ERBB4: variants seen among roughly 807,000 people sequenced by gnomAD.
ERBB4 encodes erb-b2 receptor tyrosine kinase 4.
A neutral mutation model predicts 158.0 loss-of-function variants in ERBB4; 42 were observed. That is an observed-to-expected ratio of 0.27 (90% confidence interval 0.21 to 0.34). The LOEUF (loss-of-function observed/expected upper bound fraction) is 0.34. Ranked by LOEUF, ERBB4 falls within the 10% of genes least tolerant of loss-of-function variation. The pLI is 1.00. For synonymous variants in ERBB4, 583 were observed against 558.7 expected (o/e 1.04, Z -0.61); for missense variants, 1,333 against 1,624.1 (o/e 0.82, Z 3.08).
chr2:211,408,944 C>T (rs2063199841), intron 25 of ERBB4, among the ~76,000 whole-genome samples: 4 of 152,162 alleles, frequency 2.6e-5, no homozygotes, highest in Admixed American at 2.0e-4. Flanking sequence ...TTGTAGCAAA[C>T]TCCGAGGATG....
At chr2:211,540,536 GTTTT>G (rs752624696) in intron 20 of ERBB4, among the ~76,000 whole-genome samples, 1 of 151,198 alleles carries the variant, frequency 6.6e-6, no homozygotes, top group Admixed American at 6.6e-5. Flanking sequence ...GTTTTTTGGT[GTTTT>G]TTTGTTTTTG....
intron 1 of ERBB4, among the ~76,000 whole-genome samples, chr2:212,471,038 C>T (rs1400114068): frequency 7.2e-5 from 11 of 151,972 alleles, no homozygotes; most frequent in Non-Finnish European, 1.6e-4. Context: ...TAACAACATT[C>T]ATGTGAATCT....
Position 212,538,741 on chromosome 2 carries a change from C to A in ERBB4, c.-211G>T, listed in dbSNP as rs1241139076. The A allele has an allele frequency of 2.5e-6, 1 of 398,820 alleles. No individual in the cohort carries two copies. Among genetic ancestry groups the A allele is most frequent in the Non-Finnish European group, 4.3e-6 (1 of 230,470 alleles). 24.7% of individuals were successfully genotyped at this position (398,820 alleles called of 1,614,324 possible). A position where few individuals can be genotyped will look rare whatever the true frequency, so the allele number is the denominator to read the frequency against. ...GGCCCGAGGAGGGGGCGAGTGTGAG[C>A]GCGTGTGTGCGCGTGTGGGAGTGTG... On this transcript the variant is annotated 5_prime_UTR_variant, in exon 1 of 28. Coordinates refer to ENST00000342788, the MANE Select transcript of ERBB4 (RefSeq NM_005235.3).
intron 2 of ERBB4, chr2:212,124,529 G>A (rs1406434190): frequency 3.6e-6 from 2 of 552,324 alleles, no homozygotes; most frequent in East Asian, 6.3e-5. Context: ...CTCAATCTTA[G>A]GGCAACAGCA....
At chr2:211,688,784 T>G (rs1353655482) in intron 12 of ERBB4, among the ~76,000 whole-genome samples, 1 of 152,284 alleles carries the variant, frequency 6.6e-6, no homozygotes. Flanking sequence ...TCTAATTAAC[T>G]TTGTAGTTAT....
At chr2:212,444,456 A>C (rs2092311689) in intron 1 of ERBB4, among the ~76,000 whole-genome samples, 1 of 152,196 alleles carries the variant, frequency 6.6e-6, no homozygotes, top group African/African-American at 2.4e-5. Context: ...AAAATTGGTG[A>C]CAAAGAAATC....
chr2:212,473,118 G>A lies in ERBB4; in HGVS notation c.82+65331C>T, dbSNP rs1343997245. Among the ~76,000 whole-genome samples the A allele has an allele frequency of 2.6e-5, 4 of 151,854 alleles. No homozygotes were observed. In the East Asian group the frequency reaches 7.7e-4, roughly 29 times the overall value. On this transcript the variant is annotated intron_variant, in intron 1 of 27. Transcript: ENST00000342788. Reference sequence around the variant, plus strand: ...ATGGAGACCTGTCAATTCTGATGATGTTCATTTTTGTTTTGATTTTATATA... The same window carrying A: ...ATGGAGACCTGTCAATTCTGATGATATTCATTTTTGTTTTGATTTTATATA...
intron 4 of ERBB4, among the ~76,000 whole-genome samples, chr2:211,773,598 T>TTATATATATATATATA (rs1171015959): frequency 1.3e-4 from 4 of 29,778 alleles, no homozygotes; most frequent in South Asian, 1.9e-3. Context: ...TTCTGTAACT[T>TTATATATATATATATA]TATATATATA....
In ERBB4 at chr2:211,524,372, C is replaced by T. The variant is rs576642692; in HGVS notation, c.2487+37531G>A. Reference sequence around the variant, plus strand: ...AGCTGCCTGCCAGTCCCACGCCATGCGCCCACACTCCTCAGCCCTTGGGTG... The same window carrying T: ...AGCTGCCTGCCAGTCCCACGCCATGTGCCCACACTCCTCAGCCCTTGGGTG... On this transcript the variant is annotated intron_variant, in intron 20 of 27. Coordinates refer to ENST00000342788, the MANE Select transcript of ERBB4 (RefSeq NM_005235.3). 3.7e-4 allele frequency among the ~76,000 whole-genome samples: 56 copies of T among 151,868 alleles called. 1 individual carries two copies. In the East Asian group the frequency reaches 9.7e-3, roughly 26 times the overall value.
intron 1 of ERBB4, among the ~76,000 whole-genome samples, chr2:212,409,388 T>A (rs2091436507): frequency 6.6e-6 from 1 of 152,180 alleles, no homozygotes; most frequent in Non-Finnish European, 1.5e-5. Flanking sequence ...TTCAATGTTT[T>A]AAAGTCCTTG....
At chr2:211,566,371 A>T (rs993144038) in intron 19 of ERBB4, among the ~76,000 whole-genome samples, 4 of 152,174 alleles carry the variant, frequency 2.6e-5, no homozygotes, top group African/African-American at 4.8e-5. Context: ...TAAATAGGAG[A>T]CACCCAACAA....
intron 4 of ERBB4, among the ~76,000 whole-genome samples, chr2:211,760,392 T>C (rs1352556034): frequency 1.3e-5 from 2 of 152,224 alleles, no homozygotes; most frequent in Non-Finnish European, 2.9e-5. Context: ...TTATCATACT[T>C]GCAAATGACA....
intron 20 of ERBB4, among the ~76,000 whole-genome samples, chr2:211,464,982 C>CTT (rs1176092000): frequency 9.4e-5 from 2 of 21,348 alleles, no homozygotes; most frequent in African/African-American, 7.4e-5. Context: ...TTTTTTTTTT[C>CTT]TTTTTTTTTT....
intron 2 of ERBB4, among the ~76,000 whole-genome samples, chr2:211,960,109 G>C (rs2081141806): frequency 6.6e-6 from 1 of 152,086 alleles, no homozygotes; most frequent in African/African-American, 2.4e-5. Context: ...CACCTAGATT[G>C]TGGTCTTAAA....
intron 20 of ERBB4, among the ~76,000 whole-genome samples, chr2:211,462,986 T>A (rs2064576068): frequency 6.6e-6 from 1 of 152,172 alleles, no homozygotes. Flanking sequence ...TCTTTAGGAA[T>A]AAACTCACCA....
intron 2 of ERBB4, among the ~76,000 whole-genome samples, chr2:211,971,297 C>T (rs908900634): frequency 6.6e-6 from 1 of 152,116 alleles, no homozygotes; most frequent in Admixed American, 6.6e-5. Context: ...TCTCTATGCT[C>T]ATAAACTAGA....
At chr2:212,081,512 T>C (rs1305411667) in intron 2 of ERBB4, among the ~76,000 whole-genome samples, 3 of 152,120 alleles carry the variant, frequency 2.0e-5, no homozygotes, top group Non-Finnish European at 4.4e-5. Flanking sequence ...AAAATCACAA[T>C]GCTCTTTTTG....
chr2:212,466,717 A>G (rs181189646), intron 1 of ERBB4, among the ~76,000 whole-genome samples: 2 of 152,216 alleles, frequency 1.3e-5, no homozygotes, highest in Non-Finnish European at 2.9e-5. Flanking sequence ...AATGCAGTAC[A>G]TTGGTACCAG....
chr2:211,791,848 C>T (rs1050347811), intron 3 of ERBB4, among the ~76,000 whole-genome samples: 2 of 151,516 alleles, frequency 1.3e-5, no homozygotes, highest in Non-Finnish European at 3.0e-5. Context: ...CAAACGTTTC[C>T]GACTAGATTA....
Sources: gnomAD v4.1 joint callset for allele counts (sites outside exome capture counted in the v4.1 genomes callset) on GRCh38, gnomAD v4.1.1 for gene constraint, MANE v1.5 for transcripts, NCBI Gene and HGNC (gene_info 2026-07-23, HGNC 2026-07-21) for gene names.